XKR6: variants seen among roughly 807,000 people sequenced by gnomAD.
XKR6 encodes XK-related protein 6.
A neutral mutation model predicts 56.7 loss-of-function variants in XKR6; 22 were observed. The ratio of observed to expected loss-of-function variants is 0.39; its 90% confidence interval spans 0.28 to 0.55. The LOEUF is 0.55. Ranked by LOEUF, XKR6 falls within the 20% of genes least tolerant of loss-of-function variation. The pLI, the probability that XKR6 is intolerant of heterozygous loss-of-function variation, is 0.66. For synonymous variants in XKR6, 524 were observed against 387.8 expected (o/e 1.35, Z -4.13); for missense variants, 852 against 889.0 (o/e 0.96, Z 0.53).
intron 1 of XKR6, among the ~76,000 whole-genome samples, chr8:11,153,890 AT>A (rs1284311843): frequency 1.3e-5 from 2 of 152,156 alleles, no homozygotes; most frequent in African/African-American, 4.8e-5. Flanking sequence ...CCCTACCACC[AT>A]TACCAGGGGT....
chr8:10,970,569 A>C (rs1042932315), intron 1 of XKR6, among the ~76,000 whole-genome samples: 1 of 152,080 alleles, frequency 6.6e-6, no homozygotes, highest in African/African-American at 2.4e-5. Flanking sequence ...CTCAATGAGG[A>C]AGACATTGAG....
chr8:11,094,415 C>A (rs1478192447), intron 1 of XKR6, among the ~76,000 whole-genome samples: 1 of 152,050 alleles, frequency 6.6e-6, no homozygotes, highest in Non-Finnish European at 1.5e-5. Context: ...GTCTGAAACC[C>A]CTGGCCTCAA....
intron 1 of XKR6, among the ~76,000 whole-genome samples, chr8:10,973,028 T>C (rs1343740568): frequency 2.0e-5 from 3 of 152,226 alleles, no homozygotes; most frequent in South Asian, 2.1e-4. Flanking sequence ...AGTAGGACTT[T>C]GCTGTTTCTG....
chr8:10,946,936 T>G (rs944577568), intron 1 of XKR6, among the ~76,000 whole-genome samples: 2 of 152,130 alleles, frequency 1.3e-5, no homozygotes, highest in African/African-American at 2.4e-5. Flanking sequence ...AGGTAGACAG[T>G]TCCAGAGGGT....
intron 1 of XKR6, among the ~76,000 whole-genome samples, chr8:10,968,395 G>A (rs1391700585): frequency 1.3e-5 from 2 of 152,238 alleles, no homozygotes; most frequent in African/African-American, 4.8e-5. Context: ...TTCCCTGTGG[G>A]ACTGGAATCT....
chr8:11,020,034 C>G (rs1247242934), intron 1 of XKR6, among the ~76,000 whole-genome samples: 1 of 152,174 alleles, frequency 6.6e-6, no homozygotes, highest in Non-Finnish European at 1.5e-5. Flanking sequence ...CAAGGAACAG[C>G]GGGACCTGTC....
At chr8:11,017,418 C>A (rs1046057829) in intron 1 of XKR6, among the ~76,000 whole-genome samples, 1 of 152,268 alleles carries the variant, frequency 6.6e-6, no homozygotes, top group Non-Finnish European at 1.5e-5. Context: ...TGGAACTAAC[C>A]ACAACGGCAG....
intron 1 of XKR6, among the ~76,000 whole-genome samples, chr8:10,969,423 G>C (rs1483741560): frequency 6.6e-6 from 1 of 152,202 alleles, no homozygotes; most frequent in African/African-American, 2.4e-5. Flanking sequence ...TCCAGGAATA[G>C]ATTTAATTAA....
chr8:10,992,528 A>T (rs988671952), intron 1 of XKR6, among the ~76,000 whole-genome samples: 1 of 152,192 alleles, frequency 6.6e-6, no homozygotes, highest in African/African-American at 2.4e-5. Flanking sequence ...TCAGGGCTCA[A>T]CCTTGAATGA....
At chr8:10,967,779 T>G (rs560435858) in intron 1 of XKR6, among the ~76,000 whole-genome samples, 1 of 152,292 alleles carries the variant, frequency 6.6e-6, no homozygotes, top group South Asian at 2.1e-4. Flanking sequence ...CTGCATTTGT[T>G]TTCCAGGAGG....
At chr8:11,064,533 G>A (rs142570048) in intron 1 of XKR6, among the ~76,000 whole-genome samples, 72 of 152,318 alleles carry the variant, frequency 4.7e-4, no homozygotes, top group Middle Eastern at 3.4e-3. Context: ...CGCAAGAATT[G>A]TCACTGACTT....
At chr8:11,052,559 G>C (rs1179818436) in intron 1 of XKR6, among the ~76,000 whole-genome samples, 1 of 152,092 alleles carries the variant, frequency 6.6e-6, no homozygotes, top group Admixed American at 6.5e-5. Flanking sequence ...CTGAGGGTGG[G>C]GGCATCTCCT....
intron 1 of XKR6, among the ~76,000 whole-genome samples, chr8:11,031,208 G>A (rs1005214391): frequency 3.3e-5 from 5 of 152,238 alleles, no homozygotes; most frequent in Admixed American, 1.3e-4. Context: ...CTTAGATAAA[G>A]AGCGAGAGCA....
At chr8:11,096,123 T>C (rs1798256706) in intron 1 of XKR6, among the ~76,000 whole-genome samples, 1 of 152,266 alleles carries the variant, frequency 6.6e-6, no homozygotes, top group Non-Finnish European at 1.5e-5. Flanking sequence ...ATCCAACAGA[T>C]ATTTTTAAAA....
chr8:11,077,037 T>C (rs1563121022), intron 1 of XKR6, among the ~76,000 whole-genome samples: 1 of 148,132 alleles, frequency 6.8e-6, no homozygotes, highest in Non-Finnish European at 1.5e-5. Context: ...TAGCTGGGCA[T>C]GGTGGCACAT....
At chr8:11,137,604 C>T (rs1384498948) in intron 1 of XKR6, 1 of 456,144 alleles carries the variant, frequency 2.2e-6, no homozygotes, top group Non-Finnish European at 4.4e-6. Context: ...ACCAGCTCTT[C>T]TACACCAAAT....
chr8:11,089,300 A>G (rs80344830), intron 1 of XKR6, among the ~76,000 whole-genome samples: 6,315 of 152,324 alleles, frequency 0.041, 192 homozygotes, highest in Middle Eastern at 0.085. Context: ...AGCAATATTT[A>G]TCATACACTC....
chr8:11,021,490 G>A (rs901392650), intron 1 of XKR6, among the ~76,000 whole-genome samples: 25 of 152,104 alleles, frequency 1.6e-4, no homozygotes, highest in African/African-American at 6.0e-4. Context: ...TAAATGGATA[G>A]TCATTTCTTT....
chr8:10,984,166 A>G (rs976266604), intron 1 of XKR6, among the ~76,000 whole-genome samples: 3 of 152,198 alleles, frequency 2.0e-5, no homozygotes, highest in Non-Finnish European at 4.4e-5. Flanking sequence ...TAGAAAACCT[A>G]TTACCATAAC....
Sources: allele counts gnomAD v4.1 joint callset (sites outside exome capture counted in the v4.1 genomes callset), GRCh38; gene constraint gnomAD v4.1.1; transcripts MANE v1.5; gene names NCBI Gene and HGNC (gene_info 2026-07-23, HGNC 2026-07-21).